The following CYP3A4 variants were observed in gnomAD, a reference collection of about 807,000 sequenced individuals.
The protein encoded by CYP3A4 is cytochrome P450 3A4.
In CYP3A4, 41 loss-of-function variants were observed where a neutral mutation model predicts 54.9. The observed-to-expected ratio is 0.75, with a 90% CI of 0.58 to 0.97. The LOEUF is 0.97. Among genes scored for constraint, CYP3A4 ranks in the 50% least tolerant of loss-of-function variants. CYP3A4 has a pLI of 0.00. For missense variants in CYP3A4, 510 were observed against 597.3 expected (o/e 0.85, Z 1.52); for synonymous variants, 179 against 205.2 (o/e 0.87, Z 1.09).
chr7:99,775,604 T>G (rs1445156534), intron 3 of CYP3A4, among the ~76,000 whole-genome samples: 1 of 152,184 alleles, frequency 6.6e-6, no homozygotes, highest in African/African-American at 2.4e-5. Context: ...AGATTTCCTA[T>G]TTAATAAATG....
intron 3 of CYP3A4, among the ~76,000 whole-genome samples, chr7:99,774,385 CA>C (rs1563044007): frequency 6.6e-6 from 1 of 151,892 alleles, no homozygotes; most frequent in African/African-American, 2.4e-5. Context: ...AGAGACACAA[CA>C]AAAAAAGAGA....
At chr7:99,772,711 G>A in intron 3 of CYP3A4, 22 bp from the exon 4 acceptor site, 1 of 1,611,826 alleles carries the variant, frequency 6.2e-7, no homozygotes, top group Non-Finnish European at 8.5e-7. Context: ...AAACAGAGTT[G>A]ATTAAACATC....
intron 4 of CYP3A4, among the ~76,000 whole-genome samples, chr7:99,771,072 C>G (rs960421549): frequency 2.0e-5 from 3 of 152,052 alleles, no homozygotes; most frequent in Admixed American, 2.0e-4. Flanking sequence ...AGGAACAATT[C>G]AAAAATTCAC....
rs72552798 is a variant in CYP3A4 at position 99,769,781 on chromosome 7, C to T, written c.508G>A (p.Val170Ile). ...GCTTCTACTTACTCTTTCAAGGTGA[C>T]AGGCTTGCCTGTCTCTGCTTCCCGC... The part of the protein sequence containing the change: ...LRREAETGKP[V>I]TLKDVFGAYS... Residue 170 changes from valine to isoleucine, a missense_variant, in exon 6 of 13, where the codon GTC (valine) becomes ATC (isoleucine). Val to Ile is a conservative substitution (Grantham distance 29, BLOSUM62 3). Coordinates refer to ENST00000651514, the MANE Select transcript of CYP3A4 (RefSeq NM_017460.6). The T allele has an allele frequency of 7.4e-6, 12 of 1,613,990 alleles. No individual in the cohort carries two copies. In the South Asian group the frequency reaches 8.8e-5, roughly 12 times the overall value.
chr7:99,770,080 C>A (rs754735752), intron 5 of CYP3A4, 42 bp downstream of exon 5: 40 of 1,582,874 alleles, frequency 2.5e-5, no homozygotes, highest in Non-Finnish European at 7.8e-6. Context: ...CCACCAGATT[C>A]ATTCTTTAAG....
In CYP3A4 at chr7:99,761,389, T is replaced by C. The variant is rs569818309; in HGVS notation, c.1254-408A>G. Among the ~76,000 whole-genome samples the C allele has an allele frequency of 9.8e-5, 15 of 152,314 alleles. No individual in the cohort carries two copies. The East Asian group carries it at 1.9e-3, about 20-fold the overall frequency. ...GAGAAGGGGAAATTGTCTTGTACTATTTCAAAATTGTTATTTTGCACTTTC... is the reference window on the plus strand; with the variant it reads ...GAGAAGGGGAAATTGTCTTGTACTACTTCAAAATTGTTATTTTGCACTTTC... On this transcript the variant is annotated intron_variant, in intron 11 of 12. Transcript: ENST00000651514.
chr7:99,782,643 G>T (rs1297570626), intron 1 of CYP3A4, among the ~76,000 whole-genome samples: 1 of 152,102 alleles, frequency 6.6e-6, no homozygotes, highest in East Asian at 1.9e-4. Context: ...CAGGACCCAT[G>T]AATATCTCTT....
intron 3 of CYP3A4, among the ~76,000 whole-genome samples, chr7:99,776,124 C>T (rs144203939): frequency 0.025 from 3,827 of 152,252 alleles, 59 homozygotes; most frequent in Non-Finnish European, 0.031. Flanking sequence ...TAGAGAAATG[C>T]AAATCAAAAC....
chr7:99,781,940 T>C (rs1446675548), intron 1 of CYP3A4, among the ~76,000 whole-genome samples: 1 of 152,176 alleles, frequency 6.6e-6, no homozygotes, highest in Non-Finnish European at 1.5e-5. Context: ...TAATATGTGG[T>C]AAAATACAAC....
chr7:99,766,371 G>T lies in CYP3A4; in HGVS notation c.865+6C>A. The T allele has an allele frequency of 6.2e-7, 1 of 1,613,452 alleles. No individual in the cohort carries two copies. Among genetic ancestry groups the T allele is most frequent in the Non-Finnish European group, 8.5e-7 (1 of 1,179,598 alleles). ...CACAAGTAGCCCTCAGAAACACTCT[G>T]GTTACCTTTGTGGGACTCAGTTTCT... On this transcript the variant is annotated splice_donor_region_variant and intron_variant, in intron 9 of 12. Transcript: ENST00000651514.
chr7:99,772,961 A>C (rs1347630744), intron 3 of CYP3A4, among the ~76,000 whole-genome samples: 3 of 152,160 alleles, frequency 2.0e-5, no homozygotes, highest in Non-Finnish European at 4.4e-5. Context: ...ATGGTTAGAA[A>C]TGACAGTAGA....
chr7:99,769,250 T>C (rs1450401510), intron 6 of CYP3A4, among the ~76,000 whole-genome samples: 1 of 152,018 alleles, frequency 6.6e-6, no homozygotes, highest in Non-Finnish European at 1.5e-5. Flanking sequence ...GCCCTACCTA[T>C]AGTGTTTTTA....
Position 99,767,333 on chromosome 7 carries a change from G to C in CYP3A4, c.671-75C>G. On this transcript the variant is annotated intron_variant, in intron 7 of 12. Coordinates refer to ENST00000651514, the MANE Select transcript of CYP3A4 (RefSeq NM_017460.6). The stretch of plus-strand genomic sequence containing the variant: ...GCAAAATTTACCTGGAGCAATTCTA[G>C]TTTTCTCTACCAACCAGAAGAGTAA... The C allele has an allele frequency of 3.0e-6, 4 of 1,322,900 alleles. No individual in the cohort carries two copies. In the South Asian group the frequency reaches 5.7e-5, roughly 19 times the overall value. The allele number at this position is 1,322,900 out of a possible 1,614,324, so 81.9% of individuals were successfully genotyped here. A position where few individuals can be genotyped will look rare whatever the true frequency, so the allele number is the denominator to read the frequency against.
chr7:99,766,245 T>A (rs573576203), intron 9 of CYP3A4, 132 bp downstream of exon 9: 1 of 1,116,528 alleles, frequency 9.0e-7, no homozygotes, highest in African/African-American at 1.6e-5. Flanking sequence ...CTACCACTTA[T>A]AACATTCAAA....
Position 99,780,100 on chromosome 7 carries a change from A to G in CYP3A4, c.72-15T>C. On this transcript the variant is annotated splice_polypyrimidine_tract_variant and intron_variant, in intron 1 of 12. Coordinates refer to ENST00000651514, the MANE Select transcript of CYP3A4 (RefSeq NM_017460.6). ...GGGTTCCATATCTACAAAGTGAAAC[A>G]GAAATCAAGTCACAGCGATTGTGAC... 6.2e-7 allele frequency: 1 copy of G among 1,607,944 alleles called. No homozygotes were observed.
chr7:99,783,515 CTTAT>C (rs764791390), intron 1 of CYP3A4, among the ~76,000 whole-genome samples: 1 of 151,166 alleles, frequency 6.6e-6, no homozygotes, highest in Non-Finnish European at 1.5e-5. Context: ...GGGGAAGATG[CTTAT>C]TTATTCCTTT....
At position 99,780,735 on chromosome 7, in the gene CYP3A4, A is replaced by G. The variant is rs1376594393; in HGVS notation, c.72-650T>C. ...ACAACTGTGCTCAAGGCTTCCATTG[A>G]CCTCATAGAAATGTGAGCAGCTTTC... is the stretch of plus-strand genomic sequence containing the variant. On this transcript the variant is annotated intron_variant, in intron 1 of 12. Transcript: ENST00000651514. Among the ~76,000 whole-genome samples, 6 of 152,114 alleles carry G rather than the reference A, an allele frequency of 3.9e-5. No individual in the cohort carries two copies. In the South Asian group the frequency reaches 1.2e-3, roughly 32 times the overall value.
At chr7:99,776,634 T>C (rs371893855) in intron 3 of CYP3A4, among the ~76,000 whole-genome samples, 243 of 151,780 alleles carry the variant, frequency 1.6e-3, no homozygotes, top group African/African-American at 5.5e-3. Context: ...TAAGTAGGAG[T>C]TGAACAATGA....
chr7:99,758,580 T>C (rs944752708), intron 12 of CYP3A4, among the ~76,000 whole-genome samples: 2 of 152,252 alleles, frequency 1.3e-5, no homozygotes, highest in Admixed American at 1.3e-4. Flanking sequence ...TTTTTTGATT[T>C]AAATTTTAAG....
Sources: allele counts gnomAD v4.1 joint callset (sites outside exome capture counted in the v4.1 genomes callset), GRCh38; gene constraint gnomAD v4.1.1; transcripts MANE v1.5; gene names NCBI Gene and HGNC (gene_info 2026-07-23, HGNC 2026-07-21).